The following IQCM variants were observed in gnomAD, a reference collection of about 807,000 sequenced individuals.
IQCM encodes IQ motif containing M.
In IQCM, 45 loss-of-function variants were observed where a neutral mutation model predicts 57.6. The observed-to-expected ratio is 0.78, with a 90% CI of 0.62 to 1.00. The LOEUF (loss-of-function observed/expected upper bound fraction) is 1.00, where lower values mean the gene tolerates loss of function less well. IQCM is among the 50% of genes least tolerant of loss of function. The pLI is 0.00. For missense variants in IQCM, 468 were observed against 511.6 expected (o/e 0.91, Z 0.82); for synonymous variants, 148 against 158.9 (o/e 0.93, Z 0.51).
At chr4:149,446,155 CA>C (rs1427795797) in intron 12 of IQCM, among the ~76,000 whole-genome samples, 1 of 151,530 alleles carries the variant, frequency 6.6e-6, no homozygotes, top group Non-Finnish European at 1.5e-5. Flanking sequence ...AAATATAGTT[CA>C]AAGCTTTTTT....
Position 149,670,415 on chromosome 4 carries a change from A to G in IQCM, c.565+11703T>C, listed in dbSNP as rs553811693. ...GGTTTTCTAAATATACAATCATGTC[A>G]TCTGCAAACAGGGACAATTTGACTT... On this transcript the variant is annotated intron_variant, in intron 7 of 13. Coordinates refer to ENST00000636793, the MANE Select transcript of IQCM (RefSeq NM_001363507.2). Among the ~76,000 whole-genome samples, 5 of 152,304 alleles carry G rather than the reference A, an allele frequency of 3.3e-5. No homozygotes were observed. The South Asian group carries it at 8.3e-4, about 25-fold the overall frequency.
chr4:149,580,900 T>C (rs984887566), intron 9 of IQCM, among the ~76,000 whole-genome samples: 13 of 151,804 alleles, frequency 8.6e-5, no homozygotes, highest in Non-Finnish European at 2.9e-5. Flanking sequence ...TTTATTTATT[T>C]ACATATTTAT....
At chr4:149,702,896 C>A (rs1580059492) in intron 5 of IQCM, among the ~76,000 whole-genome samples, 1 of 151,842 alleles carries the variant, frequency 6.6e-6, no homozygotes, top group Admixed American at 6.6e-5. Context: ...ACTAATTATG[C>A]TAACATGTTG....
At chr4:149,754,014 T>C (rs748820224) in intron 2 of IQCM, among the ~76,000 whole-genome samples, 3 of 152,122 alleles carry the variant, frequency 2.0e-5, no homozygotes, top group Admixed American at 1.3e-4. Flanking sequence ...CCAATTTTTC[T>C]CTTCCCATTC....
intron 12 of IQCM, among the ~76,000 whole-genome samples, chr4:149,508,863 C>G (rs545978676): frequency 6.6e-6 from 1 of 152,210 alleles, no homozygotes; most frequent in East Asian, 1.9e-4. Context: ...GTGGGAAAGA[C>G]CCAGTGGGAG....
rs35663253 is a variant in IQCM at position 149,412,066 on chromosome 4, TTGTG to T, written c.1390+21326_1390+21329del. 9.3e-3 allele frequency among the ~76,000 whole-genome samples: 1,379 copies of T among 148,642 alleles called. 11 individuals are homozygous for T. The highest frequency in any genetic ancestry group is 0.021 in the African/African-American group (869 of 40,624). The stretch of plus-strand genomic sequence containing the variant: ...AACATGTAACATTTAGTGTGTGTGT[TTGTG>T]TGTGTGTGTGTGTGTGTGTGTGTGT... On this transcript the variant is annotated intron_variant, in intron 13 of 13. Coordinates refer to ENST00000636793, the MANE Select transcript of IQCM (RefSeq NM_001363507.2).
chr4:149,558,038 G>A (rs892033246), intron 10 of IQCM, among the ~76,000 whole-genome samples: 3 of 152,118 alleles, frequency 2.0e-5, no homozygotes, highest in African/African-American at 7.2e-5. Context: ...ACTTTTCCTT[G>A]TACTGCCTTT....
chr4:149,508,762 A>T (rs768036044), intron 12 of IQCM, among the ~76,000 whole-genome samples: 2 of 152,150 alleles, frequency 1.3e-5, no homozygotes, highest in Non-Finnish European at 2.9e-5. Context: ...TGGTTTTGAA[A>T]TGTGAGGACA....
chr4:149,618,138 A>G (rs1273328271), intron 8 of IQCM, among the ~76,000 whole-genome samples: 1 of 152,204 alleles, frequency 6.6e-6, no homozygotes, highest in Non-Finnish European at 1.5e-5. Context: ...ACAGCGTGAC[A>G]TTGGTTCAAA....
At chr4:149,755,534 T>C (rs1315935156) in intron 2 of IQCM, among the ~76,000 whole-genome samples, 2 of 152,082 alleles carry the variant, frequency 1.3e-5, no homozygotes. Context: ...ACCCTTCACT[T>C]CTCCCAGGTG....
intron 12 of IQCM, among the ~76,000 whole-genome samples, chr4:149,540,516 A>G (rs1475206180): frequency 6.6e-6 from 1 of 151,942 alleles, no homozygotes; most frequent in East Asian, 1.9e-4. Context: ...ATAGAGATTG[A>G]CTGTCGTCCA....
At chr4:149,404,031 C>T (rs1042408553) in intron 13 of IQCM, among the ~76,000 whole-genome samples, 4 of 151,886 alleles carry the variant, frequency 2.6e-5, no homozygotes, top group African/African-American at 7.3e-5. Context: ...TTATTAAGTG[C>T]TTAATATTTG....
At chr4:149,552,459 C>T (rs1243532942) in intron 11 of IQCM, among the ~76,000 whole-genome samples, 2 of 152,054 alleles carry the variant, frequency 1.3e-5, no homozygotes, top group Non-Finnish European at 2.9e-5. Context: ...CTAAGCAATA[C>T]TGAATTCATT....
At chr4:149,770,274 A>T (rs939022027) in intron 2 of IQCM, among the ~76,000 whole-genome samples, 2 of 152,080 alleles carry the variant, frequency 1.3e-5, no homozygotes, top group Non-Finnish European at 2.9e-5. Flanking sequence ...AGAAACAGAT[A>T]ACCTGCTTAT....
At chr4:149,697,783 T>C (rs1296775589) in intron 5 of IQCM, among the ~76,000 whole-genome samples, 1 of 152,140 alleles carries the variant, frequency 6.6e-6, no homozygotes, top group Non-Finnish European at 1.5e-5. Flanking sequence ...GCCAGCAGAA[T>C]GTAAGCTTCA....
chr4:149,652,786 A>G (rs1238680350), intron 7 of IQCM, among the ~76,000 whole-genome samples: 1 of 152,118 alleles, frequency 6.6e-6, no homozygotes, highest in Admixed American at 6.6e-5. Context: ...GAAGAAAGGA[A>G]ACAAAATAAT....
rs889437896 is a variant in IQCM at position 149,513,819 on chromosome 4, G to A, written c.1228+34636C>T. 5.3e-5 allele frequency among the ~76,000 whole-genome samples: 8 copies of A among 152,070 alleles called. No individual in the cohort carries two copies. In the South Asian group the frequency reaches 1.7e-3, roughly 32 times the overall value. ...ATTGGTTGTTGAAAAGAGGTCTCTG[G>A]AGAATTGTTTGGTATTAAAAAGAAA... On this transcript the variant is annotated intron_variant, in intron 12 of 13. Coordinates refer to ENST00000636793, the MANE Select transcript of IQCM (RefSeq NM_001363507.2).
chr4:149,447,537 T>C (rs996648793), intron 12 of IQCM, among the ~76,000 whole-genome samples: 2 of 151,556 alleles, frequency 1.3e-5, no homozygotes, highest in African/African-American at 2.4e-5. Context: ...TGGCAGATTA[T>C]ACTTTGCATA....
intron 13 of IQCM, among the ~76,000 whole-genome samples, chr4:149,423,910 C>T (rs1318771326): frequency 6.6e-6 from 1 of 151,696 alleles, no homozygotes; most frequent in Admixed American, 6.6e-5. Flanking sequence ...TAAAGAACTG[C>T]CATACTACAT....
Sources: gnomAD v4.1 joint callset for allele counts (sites outside exome capture counted in the v4.1 genomes callset) on GRCh38, gnomAD v4.1.1 for gene constraint, MANE v1.5 for transcripts, NCBI Gene and HGNC (gene_info 2026-07-23, HGNC 2026-07-21) for gene names.